FSHR: variants seen among roughly 807,000 people sequenced by gnomAD.
FSHR encodes follicle stimulating hormone receptor.
A neutral mutation model predicts 52.1 loss-of-function variants in FSHR; 46 were observed. The ratio of observed to expected loss-of-function variants is 0.88; its 90% CI spans 0.70 to 1.13. The LOEUF is 1.13. Ranked by LOEUF, FSHR falls within the 50% of genes most tolerant of loss-of-function variation. The pLI is 0.00. For missense variants in FSHR, 964 were observed against 834.6 expected (o/e 1.16, Z -1.91); for synonymous variants, 399 against 309.6 (o/e 1.29, Z -3.03).
chr2:48,968,778 C>A lies in FSHR; in HGVS notation c.774G>T (p.Leu258=). The A allele has an allele frequency of 1.2e-6, 2 of 1,614,148 alleles. No homozygotes were observed. Among genetic ancestry groups the A allele is most frequent in the Non-Finnish European group, 1.7e-6 (2 of 1,180,012 alleles). ...CTTCCATGAGGGCGACAAGCTTTTCCAGAGTAGGCAGCTTTTTTAAGTTGT... is the reference window on the plus strand; with the variant it reads ...CTTCCATGAGGGCGACAAGCTTTTCAAGAGTAGGCAGCTTTTTTAAGTTGT... ...STYNLKKLPT[L]EKLVALMEAS... is the part of the protein sequence containing the mutation. The change falls in exon 9 of 10, where the codon CTG becomes CTT. Residue 258 remains leucine, a synonymous_variant. Coordinates refer to ENST00000406846, the MANE Select transcript of FSHR (RefSeq NM_000145.4).
chr2:48,963,052 A>C lies in FSHR; in HGVS notation c.1769T>G (p.Phe590Cys). The C allele has an allele frequency of 6.2e-7, 1 of 1,614,098 alleles. No homozygotes were observed. Among genetic ancestry groups the C allele is most frequent in the Non-Finnish European group, 8.5e-7 (1 of 1,180,002 alleles). The change falls in exon 10 of 10, where the codon TTC becomes TGC. Residue 590 changes from phenylalanine to cysteine, a missense_variant. Phe to Cys is a radical substitution (Grantham distance 205). Coordinates refer to ENST00000406846, the MANE Select transcript of FSHR (RefSeq NM_000145.4). ...TDFLCMAPISFFAISASLKVP... is the reference protein window; with the variant it reads ...TDFLCMAPISCFAISASLKVP... ...CTTGAGGGAGGCAGAAATGGCAAAG[A>C]AAGAAATGGGTGCCATGCAGAGGAA...
chr2:49,072,892 T>C (rs762451326), intron 1 of FSHR, among the ~76,000 whole-genome samples: 7 of 152,166 alleles, frequency 4.6e-5, no homozygotes, highest in Non-Finnish European at 1.0e-4. Flanking sequence ...CATTGTAAAC[T>C]CTGCTTATTA....
rs114559334 is a variant in FSHR at position 49,040,438 on chromosome 2, T to C, written c.225-20278A>G. ...AGTTACTCAATTTTTTAAAAAAAGGTCTATTGTTCATTTATCTCTCTCCTG... is the reference window on the plus strand; with the variant it reads ...AGTTACTCAATTTTTTAAAAAAAGGCCTATTGTTCATTTATCTCTCTCCTG... On this transcript the variant is annotated intron_variant, in intron 2 of 9. Coordinates refer to ENST00000406846, the MANE Select transcript of FSHR (RefSeq NM_000145.4). Among the ~76,000 whole-genome samples, 1,040 of 152,320 alleles carry C rather than the reference T, an allele frequency of 6.8e-3. 15 individuals are homozygous for C. Among genetic ancestry groups the C allele is most frequent in the African/African-American group, 0.024 (1,005 of 41,560 alleles).
chr2:49,048,098 C>T (rs895165134), intron 2 of FSHR, among the ~76,000 whole-genome samples: 2 of 152,068 alleles, frequency 1.3e-5, no homozygotes. Context: ...GTTGGCCAGG[C>T]TGGTCTCAAA....
intron 1 of FSHR, among the ~76,000 whole-genome samples, chr2:49,117,576 T>C (rs889396857): frequency 6.6e-6 from 1 of 152,138 alleles, no homozygotes; most frequent in African/African-American, 2.4e-5. Context: ...TCCAGGTAAA[T>C]GGAGTGTCCT....
At chr2:49,137,716 C>A (rs1435646537) in intron 1 of FSHR, among the ~76,000 whole-genome samples, 1 of 151,878 alleles carries the variant, frequency 6.6e-6, no homozygotes, top group Non-Finnish European at 1.5e-5. Context: ...CAATATGGTC[C>A]CAATTGTTTA....
At position 48,970,875 on chromosome 2, in the gene FSHR, T is replaced by C. The variant is rs76311915; in HGVS notation, c.669-1992A>G. Reference sequence around the variant, plus strand: ...CCATCCTTGACTCCCTCATGGGACATCAGTGTCTTGTTCTCTCAAGCCTAA... The same window carrying C: ...CCATCCTTGACTCCCTCATGGGACACCAGTGTCTTGTTCTCTCAAGCCTAA... On this transcript the variant is annotated intron_variant, in intron 8 of 9. Coordinates refer to ENST00000406846, the MANE Select transcript of FSHR (RefSeq NM_000145.4). 5.0e-3 allele frequency among the ~76,000 whole-genome samples: 760 copies of C among 152,324 alleles called. 6 individuals carry two copies. The highest frequency in any genetic ancestry group is 7.7e-3 in the Non-Finnish European group (525 of 68,030).
At chr2:49,107,404 CTT>C (rs1671266834) in intron 1 of FSHR, among the ~76,000 whole-genome samples, 1 of 152,130 alleles carries the variant, frequency 6.6e-6, no homozygotes, top group Non-Finnish European at 1.5e-5. Flanking sequence ...TAGCACTTAT[CTT>C]ACTACTGTGA....
chr2:48,968,419 G>A (rs1421089265), intron 9 of FSHR, among the ~76,000 whole-genome samples: 1 of 152,334 alleles, frequency 6.6e-6, no homozygotes, highest in East Asian at 1.9e-4. Flanking sequence ...CCAACTCTGA[G>A]GCACTATGCT....
At chr2:48,964,168 C>G (rs1471611733) in intron 9 of FSHR, among the ~76,000 whole-genome samples, 1 of 151,842 alleles carries the variant, frequency 6.6e-6, no homozygotes, top group Non-Finnish European at 1.5e-5. Context: ...ATATATATTA[C>G]TAGAGTTGGA....
chr2:49,097,979 C>A (rs1319837), intron 1 of FSHR, among the ~76,000 whole-genome samples: 29,465 of 151,926 alleles, frequency 0.19, 3,063 homozygotes, highest in South Asian at 0.26. Flanking sequence ...TTGGTATCTA[C>A]CATTATATAT....
At chr2:48,984,706 G>A (rs1001900479) in intron 6 of FSHR, among the ~76,000 whole-genome samples, 13 of 152,002 alleles carry the variant, frequency 8.6e-5, no homozygotes, top group Non-Finnish European at 1.8e-4. Flanking sequence ...GCTGGATTTG[G>A]CCTCTGGGTT....
intron 1 of FSHR, among the ~76,000 whole-genome samples, chr2:49,087,419 A>G (rs915211619): frequency 6.6e-6 from 1 of 152,168 alleles, no homozygotes; most frequent in East Asian, 1.9e-4. Context: ...GAGAGCATTC[A>G]CTTGTTCTTT....
intron 8 of FSHR, among the ~76,000 whole-genome samples, chr2:48,981,112 A>T (rs1019524225): frequency 2.0e-5 from 3 of 152,238 alleles, no homozygotes; most frequent in African/African-American, 7.2e-5. Flanking sequence ...AACAGGGTAC[A>T]TGAACTAAGC....
intron 1 of FSHR, among the ~76,000 whole-genome samples, chr2:49,133,599 C>G (rs994040847): frequency 1.3e-5 from 2 of 152,120 alleles, no homozygotes; most frequent in Non-Finnish European, 2.9e-5. Context: ...AAAAAAGAGC[C>G]CTCATTGCCA....
intron 1 of FSHR, among the ~76,000 whole-genome samples, chr2:49,150,332 C>T (rs1321176202): frequency 6.6e-6 from 1 of 151,764 alleles, no homozygotes; most frequent in Non-Finnish European, 1.5e-5. Flanking sequence ...TTGTAAACTA[C>T]CTCAGAGTTA....
In FSHR at chr2:49,054,566, A is replaced by G. The variant is rs565541262; in HGVS notation, c.224+13653T>C. 2.0e-5 allele frequency among the ~76,000 whole-genome samples: 3 copies of G among 152,282 alleles called. No homozygotes were observed. In the East Asian group the frequency reaches 5.8e-4, roughly 29 times the overall value. ...GGTAGACATGCTTTCAAGCCAGTGGAGCAACCATGCACCCATGCCTCTGAT... is the reference window on the plus strand; with the variant it reads ...GGTAGACATGCTTTCAAGCCAGTGGGGCAACCATGCACCCATGCCTCTGAT... On this transcript the variant is annotated intron_variant, in intron 2 of 9. Coordinates refer to ENST00000406846, the MANE Select transcript of FSHR (RefSeq NM_000145.4).
intron 1 of FSHR, among the ~76,000 whole-genome samples, chr2:49,149,068 A>T (rs991355279): frequency 8.5e-5 from 13 of 152,060 alleles, no homozygotes; most frequent in South Asian, 6.2e-4. Context: ...AATTTTTTTA[A>T]AAAAAATATT....
chr2:49,024,483 A>G (rs1667851010), intron 2 of FSHR, among the ~76,000 whole-genome samples: 1 of 152,176 alleles, frequency 6.6e-6, no homozygotes, highest in Admixed American at 6.6e-5. Context: ...TTGAGGCAGG[A>G]GAATCACTTG....
Sources: allele counts gnomAD v4.1 joint callset (sites outside exome capture counted in the v4.1 genomes callset), GRCh38; gene constraint gnomAD v4.1.1; transcripts MANE v1.5; gene names NCBI Gene and HGNC (gene_info 2026-07-23, HGNC 2026-07-21).